Variants in BAZ1B observed in about 807,000 individuals in gnomAD.
BAZ1B encodes tyrosine-protein kinase BAZ1B.
In BAZ1B, 22 loss-of-function variants were observed where a neutral mutation model predicts 153.8. That is an observed-to-expected ratio of 0.14 (90% confidence interval 0.10 to 0.20). BAZ1B has a LOEUF of 0.20. BAZ1B is among the 10% of genes least tolerant of loss of function. The pLI, the probability that BAZ1B is intolerant of heterozygous loss-of-function variation, is 1.00. For synonymous variants in BAZ1B, 676 were observed against 633.4 expected, an observed-to-expected ratio of 1.07 and a Z score of -1.01; for missense variants, 1,325 against 1,799.3, an observed-to-expected ratio of 0.74 and a Z score of 4.77.
chr7:73,503,072 C>G (rs1307929153), intron 3 of BAZ1B, among the ~76,000 whole-genome samples: 1 of 152,174 alleles, frequency 6.6e-6, no homozygotes, highest in African/African-American at 2.4e-5. Flanking sequence ...TATTAATATA[C>G]TTACACAGAT....
At chr7:73,498,415 G>T in intron 4 of BAZ1B, 82 bp downstream of exon 4, 3 of 1,308,920 alleles carry the variant, frequency 2.3e-6, no homozygotes, top group Non-Finnish European at 2.2e-6. Context: ...ACATTTAGTT[G>T]CTAGAGAACC....
intron 13 of BAZ1B, among the ~76,000 whole-genome samples, chr7:73,455,835 G>T (rs1196628827): frequency 1.3e-5 from 2 of 152,164 alleles, no homozygotes; most frequent in Non-Finnish European, 2.9e-5. Flanking sequence ...GATCTGTGTG[G>T]ACTAACGGGA....
At chr7:73,520,122 T>A (rs542610512) in intron 1 of BAZ1B, among the ~76,000 whole-genome samples, 1 of 149,212 alleles carries the variant, frequency 6.7e-6, no homozygotes, top group African/African-American at 2.5e-5. Context: ...GGCAGGAGAA[T>A]CACTTGAACC....
At position 73,517,706 on chromosome 7, in the gene BAZ1B, T is replaced by C. The variant is rs117755985; in HGVS notation, c.107+4121A>G. Among the ~76,000 whole-genome samples the C allele has an allele frequency of 6.5e-3, 984 of 152,318 alleles. 4 individuals carry two copies. The highest frequency in any genetic ancestry group is 9.6e-3 in the Non-Finnish European group (651 of 68,034). Reference sequence around the variant, plus strand: ...GTTCCAGCAACTGCTGCACATATAATTGCAGACAAAATGTCAAAGCAATTC... The same window carrying C: ...GTTCCAGCAACTGCTGCACATATAACTGCAGACAAAATGTCAAAGCAATTC... On this transcript the variant is annotated intron_variant, in intron 1 of 19. Coordinates refer to ENST00000339594, the MANE Select transcript of BAZ1B (RefSeq NM_032408.4).
At chr7:73,517,702 A>G (rs948472026) in intron 1 of BAZ1B, among the ~76,000 whole-genome samples, 13 of 152,232 alleles carry the variant, frequency 8.5e-5, no homozygotes, top group Admixed American at 5.9e-4. Flanking sequence ...TGCTGCACAT[A>G]TAATTGCAGA....
At position 73,508,466 on chromosome 7, in the gene BAZ1B, T is replaced by C. The variant is rs782505857; in HGVS notation, c.230A>G (p.Lys77Arg). ...CTCATACCAGGCAGGAAACTCCTCC[T>C]TCAAACTAAATAAATGTAATTAGTT... ...EEEQEVAELL[K>R]EEFPAWYEKL... Residue 77 changes from lysine (K) to arginine (R), a missense_variant, in exon 3 of 20, where the codon AAG (lysine) becomes AGG (arginine). Physicochemically the swap from Lys to Arg is conservative, Grantham distance 26. Around this residue, in one of 9 missense-constraint regions of BAZ1B, gnomAD observed 14 missense variants for 42.3 expected, o/e 0.33. Transcript: ENST00000339594. The C allele has an allele frequency of 8.1e-6, 13 of 1,609,108 alleles. No individual in the cohort carries two copies. Among genetic ancestry groups the C allele is most frequent in the Non-Finnish European group, 1.0e-5 (12 of 1,178,068 alleles).
intron 13 of BAZ1B, among the ~76,000 whole-genome samples, chr7:73,456,182 A>G (rs1000316391): frequency 1.3e-5 from 2 of 152,236 alleles, no homozygotes; most frequent in Non-Finnish European, 2.9e-5. Context: ...CCTAAATGTA[A>G]AAGTTAAACT....
At chr7:73,466,063 A>G (rs533738310) in intron 10 of BAZ1B, among the ~76,000 whole-genome samples, 1 of 152,222 alleles carries the variant, frequency 6.6e-6, no homozygotes, top group South Asian at 2.1e-4. Context: ...CATAATATAC[A>G]AAGTTATATT....
rs781927330 is a variant in BAZ1B, at chr7:73,477,937, A to G, written c.1524T>C (p.Ser508=). The G allele has an allele frequency of 3.7e-6, 6 of 1,613,988 alleles. No individual in the cohort carries two copies. The highest frequency in any genetic ancestry group is 1.3e-5 in the African/African-American group (1 of 74,894). ...CTTCTGGGAGACGAGCTCTATCTTC[A>G]CTAGAGAGAAGACGAGCTGTTTTGG... ...VISKTARLLS[S]EDRARLPEEL... Residue 508 remains serine (S), a synonymous_variant, in exon 7 of 20, where the codon AGT becomes AGC. Coordinates refer to ENST00000339594, the MANE Select transcript of BAZ1B (RefSeq NM_032408.4). The surrounding 1 kb of genome is among the most constrained non-coding windows in gnomAD (Gnocchi z 5.6).
intron 13 of BAZ1B, among the ~76,000 whole-genome samples, chr7:73,457,180 T>C (rs1013263974): frequency 2.6e-5 from 4 of 151,896 alleles, no homozygotes; most frequent in African/African-American, 7.3e-5. Flanking sequence ...TTTTTGGTTG[T>C]TTTTCTTGTT....
intron 17 of BAZ1B, among the ~76,000 whole-genome samples, 198 bp downstream of exon 17, chr7:73,443,786 C>T (rs570370064): frequency 7.2e-5 from 11 of 152,252 alleles, no homozygotes; most frequent in South Asian, 2.1e-4. Context: ...AGGGGAATGC[C>T]GGACATAGCT....
chr7:73,456,653 T>A, intron 13 of BAZ1B, among the ~76,000 whole-genome samples: 1 of 152,042 alleles, frequency 6.6e-6, no homozygotes, highest in East Asian at 1.9e-4. Flanking sequence ...ACATTAGTAT[T>A]GGCAAAGGCT....
At chr7:73,494,791 A>C (rs1369129341) in intron 4 of BAZ1B, among the ~76,000 whole-genome samples, 1 of 152,214 alleles carries the variant, frequency 6.6e-6, no homozygotes, top group Non-Finnish European at 1.5e-5. Flanking sequence ...GTAATACAGA[A>C]GGAAAGAGAG....
chr7:73,444,618 A>G (rs1250527479), intron 16 of BAZ1B, among the ~76,000 whole-genome samples: 1 of 152,250 alleles, frequency 6.6e-6, no homozygotes, highest in East Asian at 1.9e-4. Flanking sequence ...ATCTTTCCAG[A>G]GAAAAGCTGG....
chr7:73,464,880 C>CG (rs527757579), intron 11 of BAZ1B, among the ~76,000 whole-genome samples: 1 of 151,896 alleles, frequency 6.6e-6, no homozygotes, highest in Non-Finnish European at 1.5e-5. Flanking sequence ...CACAAACCAC[C>CG]ACACCCAAGA....
intron 6 of BAZ1B, among the ~76,000 whole-genome samples, chr7:73,484,199 G>A (rs1362398797): frequency 1.3e-5 from 2 of 152,156 alleles, no homozygotes; most frequent in African/African-American, 4.8e-5. Context: ...CCAGGAGGCA[G>A]AGGTTACAGT....
chr7:73,497,327 C>A (rs1244314063), intron 4 of BAZ1B, among the ~76,000 whole-genome samples: 4 of 152,096 alleles, frequency 2.6e-5, no homozygotes, highest in Non-Finnish European at 5.9e-5. Flanking sequence ...GAGGTCACTT[C>A]AACAGCAACA....
Position 73,441,841 on chromosome 7 carries a change from C to G in BAZ1B, c.*16-148G>C, listed in dbSNP as rs1400232711. 13 of 308,892 alleles carry G rather than the reference C, an allele frequency of 4.2e-5. No individual in the cohort carries two copies. The South Asian group carries it at 9.3e-4, about 22-fold the overall frequency. The allele number at this position is 308,892 out of a possible 1,614,324, so 19.1% of individuals were successfully genotyped here. ...GCTATGTAACACAGCAATCCCTCCC[C>G]TGGAGACCAGAGGGGCTTGGCACTG... On this transcript the variant is annotated intron_variant, in intron 19 of 19. Transcript: ENST00000339594.
At chr7:73,517,522 G>C (rs1416903883) in intron 1 of BAZ1B, among the ~76,000 whole-genome samples, 2 of 152,000 alleles carry the variant, frequency 1.3e-5, no homozygotes, top group Admixed American at 6.6e-5. Flanking sequence ...AAGAAAAAAA[G>C]GGAAAGCAAG....
Sources: allele counts gnomAD v4.1 joint callset (sites outside exome capture counted in the v4.1 genomes callset), GRCh38; gene constraint gnomAD v4.1.1; regional missense constraint gnomAD v4.1.1; non-coding constraint Gnocchi (gnomAD v3.1); transcripts MANE v1.5; gene names NCBI Gene and HGNC (gene_info 2026-07-23, HGNC 2026-07-21).